NFATC1: variants seen among roughly 807,000 people sequenced by gnomAD.
The protein encoded by NFATC1 is nuclear factor of activated T-cells, cytoplasmic 1.
NFATC1 carries 22 observed loss-of-function variants against 76.0 expected under a neutral mutation model. The ratio of observed to expected loss-of-function variants is 0.29; its 90% CI spans 0.21 to 0.41. The LOEUF (loss-of-function observed/expected upper bound fraction) is 0.41, where lower values mean the gene tolerates loss of function less well. Among genes scored for constraint, NFATC1 ranks in the 10% least tolerant of loss-of-function variants. NFATC1 has a pLI of 1.00. For synonymous variants in NFATC1, 704 were observed against 613.1 expected (o/e 1.15, Z -2.19); for missense variants, 1,357 against 1,337.7 (o/e 1.01, Z -0.23).
At position 79,436,729 on chromosome 18, in the gene NFATC1, G is replaced by A. The variant is rs762335034; in HGVS notation, c.1386+2991G>A. ...CTCTTACTTGTGGGTGCTGAGGGGC[G>A]TGAGGGGGTCCGGCATCCGGGTACC... On this transcript the variant is annotated intron_variant, in intron 3 of 9. Coordinates refer to ENST00000427363, the MANE Select transcript of NFATC1 (RefSeq NM_001278669.2). 1.7e-3 allele frequency among the ~76,000 whole-genome samples: 262 copies of A among 151,980 alleles called. 4 individuals are homozygous for A. The highest frequency in any genetic ancestry group is 8.0e-3 in the Admixed American group (122 of 15,286).
rs1010681827 is a variant in NFATC1 at position 79,436,783 on chromosome 18, C to T, written c.1386+3045C>T. Among the ~76,000 whole-genome samples the T allele has an allele frequency of 3.3e-5, 5 of 152,088 alleles. No homozygotes were observed. In the East Asian group the frequency reaches 5.8e-4, roughly 18 times the overall value. ...GGGCGCTGAGGGGCGTGAGGGGGTC[C>T]GGCATCCGGGGCTTCTCCCATTTAG... is the stretch of plus-strand genomic sequence containing the variant. On this transcript the variant is annotated intron_variant, in intron 3 of 9. Transcript: ENST00000427363.
At chr18:79,464,903 C>T (rs1344515239) in intron 7 of NFATC1, among the ~76,000 whole-genome samples, 2 of 151,442 alleles carry the variant, frequency 1.3e-5, no homozygotes, top group South Asian at 2.1e-4. Context: ...TGGGGCCTCG[C>T]GGTGTTGCCC....
At chr18:79,404,584 G>C (rs1224087184) in intron 1 of NFATC1, among the ~76,000 whole-genome samples, 1 of 152,210 alleles carries the variant, frequency 6.6e-6, no homozygotes, top group Admixed American at 6.5e-5. Flanking sequence ...CCTGGGGGTC[G>C]ACCTGTGGTT....
Position 79,410,715 on chromosome 18 carries a change from G to C in NFATC1, c.440G>C (p.Ser147Thr). 4 of 1,612,980 alleles carry C rather than the reference G, an allele frequency of 2.5e-6. No individual in the cohort carries two copies. The highest frequency in any genetic ancestry group is 3.4e-6 in the Non-Finnish European group (4 of 1,179,992). ...HDVEVEDVLPSSKRSPSTATL... is the reference protein window; with the variant it reads ...HDVEVEDVLPTSKRSPSTATL... ...GTGGAGGTGGAAGACGTCCTCCCTA[G>C]CTCCAAACGGTCCCCCTCCACGGCC... Residue 147 changes from serine to threonine, a missense_variant, in exon 2 of 10, where the codon AGC (serine) becomes ACC (threonine). This residue lies in a region of NFATC1 where 691 missense variants were observed against 613.1 expected (regional missense o/e 1.13). Transcript: ENST00000427363. This position sits in a 1 kb window ranked among gnomAD's most constrained non-coding sequence, Gnocchi z 6.7.
intron 6 of NFATC1, among the ~76,000 whole-genome samples, chr18:79,456,320 G>A (rs559142876): frequency 2.6e-5 from 4 of 152,230 alleles, no homozygotes; most frequent in Admixed American, 6.5e-5. Flanking sequence ...TGCAGGAAGC[G>A]CCAGGCAAGG....
intron 3 of NFATC1, among the ~76,000 whole-genome samples, chr18:79,436,656 T>G: frequency 6.6e-6 from 1 of 152,204 alleles, no homozygotes; most frequent in East Asian, 1.9e-4. Flanking sequence ...ATTCGGAGCA[T>G]GGACTCTGGG....
chr18:79,479,201 C>G (rs2145012273), intron 8 of NFATC1, among the ~76,000 whole-genome samples: 1 of 152,404 alleles, frequency 6.6e-6, no homozygotes, highest in South Asian at 2.1e-4. Context: ...TGAAAATGAG[C>G]TGCCCTTTTT....
intron 7 of NFATC1, among the ~76,000 whole-genome samples, chr18:79,463,569 A>G (rs1401035688): frequency 7.3e-6 from 1 of 136,584 alleles, no homozygotes; most frequent in Non-Finnish European, 1.6e-5. Flanking sequence ...GGCGTTTGCA[A>G]CTGCCCAGGG....
At chr18:79,449,689 G>A (rs2087376431) in intron 4 of NFATC1, among the ~76,000 whole-genome samples, 1 of 152,198 alleles carries the variant, frequency 6.6e-6, no homozygotes, top group African/African-American at 2.4e-5. Context: ...GGCAGGGACG[G>A]CGTCCTGCGA....
At chr18:79,495,150 C>T (rs537094170) in intron 9 of NFATC1, among the ~76,000 whole-genome samples, 11 of 152,356 alleles carry the variant, frequency 7.2e-5, no homozygotes, top group South Asian at 2.1e-4. Flanking sequence ...GTGCACATCC[C>T]GTGTGGGTGC....
At chr18:79,517,462 G>A (rs2090409833) in intron 9 of NFATC1, among the ~76,000 whole-genome samples, 1 of 152,212 alleles carries the variant, frequency 6.6e-6, no homozygotes, top group African/African-American at 2.4e-5. Flanking sequence ...ATTACGCTGT[G>A]TCCAGTGGGA....
At chr18:79,472,012 TC>T (rs1431202263) in intron 8 of NFATC1, among the ~76,000 whole-genome samples, 6 of 152,194 alleles carry the variant, frequency 3.9e-5, no homozygotes, top group Admixed American at 2.0e-4. Flanking sequence ...TTCCATTACT[TC>T]CCTGTTTGCA....
At chr18:79,519,307 A>G (rs1022881493) in intron 9 of NFATC1, among the ~76,000 whole-genome samples, 1 of 152,180 alleles carries the variant, frequency 6.6e-6, no homozygotes, top group Non-Finnish European at 1.5e-5. Context: ...CCTGGAAAAC[A>G]GGAGATCAGG....
At position 79,464,902 on chromosome 18, in the gene NFATC1, G is replaced by A. The variant is rs575995524; in HGVS notation, c.1960-2548G>A. On this transcript the variant is annotated intron_variant, in intron 7 of 9. Transcript: ENST00000427363. ...TAAATTTTTGTAGAGATGGGGCCTC[G>A]CGGTGTTGCCCAGGCTGGTCCTGAA... Among the ~76,000 whole-genome samples the A allele has an allele frequency of 2.3e-4, 35 of 151,142 alleles. No individual in the cohort carries two copies. The South Asian group carries it at 5.7e-3, about 24-fold the overall frequency.
chr18:79,447,435 G>A lies in NFATC1; in HGVS notation c.1387-1347G>A, dbSNP rs997525994. Among the ~76,000 whole-genome samples the A allele has an allele frequency of 4.7e-4, 71 of 152,316 alleles. 3 individuals carry two copies. The highest frequency in any genetic ancestry group is 6.5e-5 in the Admixed American group (1 of 15,308). On this transcript the variant is annotated intron_variant, in intron 3 of 9. Transcript: ENST00000427363. ...ACGTGGTCATCGTGCTGCAGTTGCC[G>A]TCTGTGGTCAAAGATTTTAAAGTTA...
intron 3 of NFATC1, among the ~76,000 whole-genome samples, chr18:79,434,523 T>A (rs2086705150): frequency 6.6e-6 from 1 of 152,236 alleles, no homozygotes. Context: ...TCGTCAGCTA[T>A]AGGCCCCAGG....
rs1314466605 is a variant in NFATC1, at chr18:79,400,117, C to T, written c.127+3766C>T. On this transcript the variant is annotated intron_variant, in intron 1 of 9. Transcript: ENST00000427363. The stretch of plus-strand genomic sequence containing the variant: ...CCCAGGGCACAAGAGGCCGGGGGAC[C>T]CCTGCGGTCGCGCGCGCGCGAGGGG... Among the ~76,000 whole-genome samples, 460 of 151,372 alleles carry T rather than the reference C, an allele frequency of 3.0e-3. 5 individuals are homozygous for T. The highest frequency in any genetic ancestry group is 6.9e-3 in the Admixed American group (105 of 15,278).
chr18:79,491,017 G>A (rs1439415833), intron 9 of NFATC1, among the ~76,000 whole-genome samples: 4 of 152,104 alleles, frequency 2.6e-5, no homozygotes, highest in African/African-American at 9.7e-5. Flanking sequence ...GGACCGTCTC[G>A]ATGGGGACAG....
chr18:79,457,558 T>C (rs1010786962), intron 6 of NFATC1, among the ~76,000 whole-genome samples: 1 of 152,224 alleles, frequency 6.6e-6, no homozygotes, highest in Admixed American at 6.5e-5. Context: ...TTATATCAGC[T>C]TTATCGAAAT....
Sources: allele counts gnomAD v4.1 joint callset (sites outside exome capture counted in the v4.1 genomes callset), GRCh38; gene constraint gnomAD v4.1.1; regional missense constraint gnomAD v4.1.1; non-coding constraint Gnocchi (gnomAD v3.1); transcripts MANE v1.5; gene names NCBI Gene and HGNC (gene_info 2026-07-23, HGNC 2026-07-21).